Variants in CORIN observed in about 807,000 individuals in gnomAD.
The protein encoded by CORIN is corin, serine peptidase, also known as atrial natriuretic peptide-converting enzyme.
A neutral mutation model predicts 125.3 loss-of-function variants in CORIN; 117 were observed. The observed-to-expected ratio is 0.93, with a 90% CI of 0.80 to 1.09. The LOEUF (loss-of-function observed/expected upper bound fraction) is 1.09. Among genes scored for constraint, CORIN ranks in the 50% least tolerant of loss-of-function variants. The probability of loss-of-function intolerance (pLI) is 0.00; values close to 1 mark genes in which losing one functional copy is unlikely to be tolerated. For synonymous variants in CORIN, 450 were observed against 466.4 expected (o/e 0.96, Z 0.45); for missense variants, 1,253 against 1,306.7 (o/e 0.96, Z 0.63).
intron 12 of CORIN, among the ~76,000 whole-genome samples, chr4:47,656,049 A>C (rs1194434084): frequency 6.6e-6 from 1 of 151,914 alleles, no homozygotes; most frequent in Non-Finnish European, 1.5e-5. Flanking sequence ...AGAAAACTAC[A>C]CACCAATTTC....
intron 3 of CORIN, among the ~76,000 whole-genome samples, chr4:47,771,507 TG>T (rs567185757): frequency 1.4e-3 from 206 of 152,232 alleles, no homozygotes; most frequent in Non-Finnish European, 1.4e-3. Context: ...ACTTGTGTCA[TG>T]GGGGGCTGTC....
chr4:47,824,085 T>G (rs907090843), intron 1 of CORIN, among the ~76,000 whole-genome samples: 6 of 151,958 alleles, frequency 3.9e-5, no homozygotes, highest in Admixed American at 1.3e-4. Flanking sequence ...TCCAAAGTTT[T>G]GAAATCTATG....
At chr4:47,641,810 ACT>A in intron 16 of CORIN, 108 bp downstream of exon 16, 1 of 1,311,688 alleles carries the variant, frequency 7.6e-7, no homozygotes, top group Non-Finnish European at 1.0e-6. Flanking sequence ...GTTTTGAAGG[ACT>A]CTTTGTTTGA....
At chr4:47,627,294 T>C (rs1722619078) in intron 16 of CORIN, among the ~76,000 whole-genome samples, 1 of 152,184 alleles carries the variant, frequency 6.6e-6, no homozygotes. Context: ...CATCTGATTA[T>C]TATTTTTAAA....
chr4:47,745,075 A>G (rs1320000077), intron 4 of CORIN, among the ~76,000 whole-genome samples: 1 of 152,224 alleles, frequency 6.6e-6, no homozygotes, highest in Non-Finnish European at 1.5e-5. Flanking sequence ...TGAACATTAT[A>G]CAGATGAGTG....
intron 19 of CORIN, among the ~76,000 whole-genome samples, chr4:47,619,639 A>C (rs1722221063): frequency 6.6e-6 from 1 of 152,224 alleles, no homozygotes; most frequent in Non-Finnish European, 1.5e-5. Context: ...GCCTTTAATT[A>C]TAAGCACATA....
intron 19 of CORIN, among the ~76,000 whole-genome samples, chr4:47,616,046 T>C (rs926932368): frequency 2.0e-5 from 3 of 152,142 alleles, no homozygotes; most frequent in Non-Finnish European, 4.4e-5. Context: ...AATTATTTGC[T>C]CAGTGGGAGA....
intron 1 of CORIN, among the ~76,000 whole-genome samples, chr4:47,809,300 T>C (rs1731944455): frequency 6.6e-6 from 1 of 152,034 alleles, no homozygotes; most frequent in Non-Finnish European, 1.5e-5. Context: ...AGGCCCATTT[T>C]AATATGTCAT....
At chr4:47,766,329 A>G (rs1227299502) in intron 3 of CORIN, among the ~76,000 whole-genome samples, 1 of 152,192 alleles carries the variant, frequency 6.6e-6, no homozygotes, top group Non-Finnish European at 1.5e-5. Context: ...TGTAGCCCTA[A>G]CTTCATGGCC....
At chr4:47,714,276 T>A (rs1277022361) in intron 5 of CORIN, among the ~76,000 whole-genome samples, 1 of 152,216 alleles carries the variant, frequency 6.6e-6, no homozygotes, top group Non-Finnish European at 1.5e-5. Context: ...TTTCTATGTA[T>A]GTCTAATATA....
intron 3 of CORIN, among the ~76,000 whole-genome samples, chr4:47,783,859 C>T (rs531768437): frequency 2.0e-5 from 3 of 152,032 alleles, no homozygotes; most frequent in Non-Finnish European, 1.5e-5. Flanking sequence ...TACACATTGA[C>T]TATACAGCAA....
At position 47,791,764 on chromosome 4, in the gene CORIN, A is replaced by T. The variant is rs1249130014; in HGVS notation, c.209-4839T>A. Among the ~76,000 whole-genome samples the T allele has an allele frequency of 2.0e-5, 3 of 152,196 alleles. No individual in the cohort carries two copies. In the East Asian group the frequency reaches 5.8e-4, roughly 29 times the overall value. On this transcript the variant is annotated intron_variant, in intron 2 of 21. Transcript: ENST00000273857. Reference sequence around the variant, plus strand: ...TTTATCTTCCTATAATGTGATTTTAAAATTAATTTCTTAGCTTTGTATCTT... The same window carrying T: ...TTTATCTTCCTATAATGTGATTTTATAATTAATTTCTTAGCTTTGTATCTT...
chr4:47,634,018 A>C (rs112185652), intron 16 of CORIN, among the ~76,000 whole-genome samples: 1,771 of 152,328 alleles, frequency 0.012, 42 homozygotes, highest in African/African-American at 0.041. Flanking sequence ...ACAAATATTG[A>C]ATTAACTAAA....
intron 1 of CORIN, among the ~76,000 whole-genome samples, chr4:47,813,933 G>A (rs979265338): frequency 5.9e-5 from 9 of 152,100 alleles, no homozygotes; most frequent in Non-Finnish European, 1.3e-4. Context: ...ACCAAAATGA[G>A]AATGTTCATT....
chr4:47,747,737 T>TC (rs1728723031), intron 4 of CORIN, among the ~76,000 whole-genome samples: 1 of 152,204 alleles, frequency 6.6e-6, no homozygotes, highest in Non-Finnish European at 1.5e-5. Context: ...TGGCCACTCC[T>TC]CCACTGTTGA....
At chr4:47,764,100 C>T (rs138452804) in intron 3 of CORIN, among the ~76,000 whole-genome samples, 224 of 152,112 alleles carry the variant, frequency 1.5e-3, no homozygotes, top group Non-Finnish European at 2.8e-3. Flanking sequence ...ATGGAACAAA[C>T]AATAGAATAT....
intron 4 of CORIN, among the ~76,000 whole-genome samples, chr4:47,753,761 G>A (rs553150438): frequency 7.9e-5 from 12 of 151,932 alleles, no homozygotes; most frequent in Non-Finnish European, 1.8e-4. Flanking sequence ...TTTTTTCAAG[G>A]TGCACTGATT....
intron 4 of CORIN, among the ~76,000 whole-genome samples, chr4:47,748,123 A>C (rs550347075): frequency 6.6e-6 from 1 of 152,190 alleles, no homozygotes; most frequent in African/African-American, 2.4e-5. Flanking sequence ...AGGATATGTG[A>C]AATAGTGATG....
Position 47,763,497 on chromosome 4 carries a change from C to T in CORIN, c.499G>A (p.Glu167Lys). 1.2e-6 allele frequency: 2 copies of T among 1,614,144 alleles called. No individual in the cohort carries two copies. The highest frequency in any genetic ancestry group is 1.7e-6 in the Non-Finnish European group (2 of 1,180,030). Residue 167 changes from glutamate to lysine, a missense_variant, in exon 4 of 22, where the codon GAA (glutamate) becomes AAA (lysine). By Grantham distance (56) the Glu-to-Lys change is moderately conservative. Coordinates refer to ENST00000273857, the MANE Select transcript of CORIN (RefSeq NM_006587.4). ...TPLLSVVRNMEMEKFLKFFTY... is the reference protein window; with the variant it reads ...TPLLSVVRNMKMEKFLKFFTY... ...AAAAACTTGAGGAACTTTTCCATTT[C>T]CATGTTTCTGACAACTGAGAGGAGA...
Sources: gnomAD v4.1 joint callset for allele counts (sites outside exome capture counted in the v4.1 genomes callset) on GRCh38, gnomAD v4.1.1 for gene constraint, MANE v1.5 for transcripts, NCBI Gene and HGNC (gene_info 2026-07-23, HGNC 2026-07-21) for gene names.